The following PTGDR variants were observed in gnomAD, a reference collection of about 807,000 sequenced individuals.
PTGDR encodes prostaglandin D2 receptor.
PTGDR carries 19 observed loss-of-function variants against 17.4 expected under a neutral mutation model. The observed-to-expected ratio is 1.09, with a 90% CI of 0.76 to 1.60. PTGDR has a LOEUF of 1.60. Ranked by LOEUF, PTGDR falls within the 40% of genes most tolerant of loss-of-function variation. PTGDR has a pLI of 0.00. For synonymous variants in PTGDR, 267 were observed against 224.2 expected, an observed-to-expected ratio of 1.19 and a Z score of -1.71; for missense variants, 526 against 481.9, an observed-to-expected ratio of 1.09 and a Z score of -0.86.
chr14:52,277,120 G>A (rs1397644711), downstream of PTGDR, among the ~76,000 whole-genome samples: 1 of 152,156 alleles, frequency 6.6e-6, no homozygotes, highest in Non-Finnish European at 1.5e-5. Context: ...GCTGAGGAAA[G>A]GAATAAAAAT....
At chr14:52,272,605 C>T (rs1184535480) in intron 1 of PTGDR, among the ~76,000 whole-genome samples, 1 of 152,192 alleles carries the variant, frequency 6.6e-6, no homozygotes, top group South Asian at 2.1e-4. Context: ...CCCTGCCAGG[C>T]AGCCCTCTCT....
At position 52,270,724 on chromosome 14, in the gene PTGDR, G is replaced by C. The variant is rs146151925; in HGVS notation, c.846+2064G>C. Among the ~76,000 whole-genome samples, 310 of 152,284 alleles carry C rather than the reference G, an allele frequency of 2.0e-3. 4 individuals are homozygous for C. The highest frequency in any genetic ancestry group is 0.016 in the Admixed American group (245 of 15,298). On this transcript the variant is annotated intron_variant, in intron 1 of 1. Transcript: ENST00000306051. ...AATCTTTAGGAGCTCCTATTGTAAA[G>C]TTGGGGCCTCACTTATCTATGCTGT... is the stretch of plus-strand genomic sequence containing the variant.
downstream of PTGDR, among the ~76,000 whole-genome samples, chr14:52,278,277 C>T (rs1244541055): frequency 6.6e-6 from 1 of 152,190 alleles, no homozygotes; most frequent in Non-Finnish European, 1.5e-5. Flanking sequence ...CCATGGAATA[C>T]TATGCAGCCA....
downstream of PTGDR, among the ~76,000 whole-genome samples, chr14:52,279,061 T>A (rs2140013410): frequency 6.6e-6 from 1 of 152,328 alleles, no homozygotes; most frequent in Non-Finnish European, 1.5e-5. Context: ...CACCTATTTT[T>A]TTCTCATTTC....
chr14:52,280,499 C>T (rs1225082725), downstream of PTGDR, among the ~76,000 whole-genome samples: 8 of 152,190 alleles, frequency 5.3e-5, no homozygotes, highest in Non-Finnish European at 8.8e-5. Context: ...TACATACCTC[C>T]TTCACATTTT....
intron 1 of PTGDR, 135 bp from the exon 2 acceptor site, chr14:52,274,596 C>G: frequency 1.4e-6 from 1 of 732,624 alleles, no homozygotes; most frequent in Non-Finnish European, 2.2e-6. Flanking sequence ...GTGGCCTTAG[C>G]TACTTGTAAA....
chr14:52,273,725 C>T (rs377096968), intron 1 of PTGDR, among the ~76,000 whole-genome samples: 46 of 152,308 alleles, frequency 3.0e-4, no homozygotes, highest in African/African-American at 9.4e-4. Context: ...CTGATTGCCT[C>T]GAATGGGTCC....
At chr14:52,278,551 G>C (rs971390392), downstream of PTGDR, among the ~76,000 whole-genome samples, 6 of 151,956 alleles carry the variant, frequency 3.9e-5, no homozygotes, top group Non-Finnish European at 2.9e-5. Flanking sequence ...CACCAACATG[G>C]CACAGGTATA....
At chr14:52,272,391 C>G (rs745927539) in intron 1 of PTGDR, among the ~76,000 whole-genome samples, 2 of 151,776 alleles carry the variant, frequency 1.3e-5, no homozygotes, top group Non-Finnish European at 2.9e-5. Flanking sequence ...TGCTTGGGCC[C>G]AGAAGGTCAA....
At chr14:52,278,548 A>G (rs2033456136), downstream of PTGDR, among the ~76,000 whole-genome samples, 1 of 152,158 alleles carries the variant, frequency 6.6e-6, no homozygotes. Flanking sequence ...GCACACCAAC[A>G]TGGCACAGGT....
At chr14:52,271,523 G>A (rs190156578) in intron 1 of PTGDR, among the ~76,000 whole-genome samples, 13 of 152,262 alleles carry the variant, frequency 8.5e-5, no homozygotes, top group African/African-American at 3.1e-4. Flanking sequence ...TATGTACAAG[G>A]AAAATGTGGG....
chr14:52,280,905 C>T (rs1180143420), downstream of PTGDR, among the ~76,000 whole-genome samples: 1 of 152,008 alleles, frequency 6.6e-6, no homozygotes, highest in African/African-American at 2.4e-5. Context: ...AAATAAACCT[C>T]AAAAAATGAT....
At chr14:52,270,433 C>T (rs1237368683) in intron 1 of PTGDR, among the ~76,000 whole-genome samples, 1 of 152,090 alleles carries the variant, frequency 6.6e-6, no homozygotes, top group East Asian at 1.9e-4. Context: ...GTCCCAGCTT[C>T]TCAGGAGGCT....
intron 1 of PTGDR, among the ~76,000 whole-genome samples, chr14:52,272,634 C>T (rs1247421256): frequency 6.6e-6 from 1 of 152,202 alleles, no homozygotes; most frequent in Non-Finnish European, 1.5e-5. Context: ...ATGCCCTCTT[C>T]TATCCAGTCC....
Position 52,274,651 on chromosome 14 carries a change from A to G in PTGDR, c.847-80A>G, listed in dbSNP as rs76482024. The stretch of plus-strand genomic sequence containing the variant: ...CCAAGCTAAGCTGTCATGTTCTTAC[A>G]GTAACTTAGGTGAAGTAAGTGAATC... On this transcript the variant is annotated intron_variant, in intron 1 of 1. Coordinates refer to ENST00000306051, the MANE Select transcript of PTGDR (RefSeq NM_000953.3). 6.4e-4 allele frequency: 784 copies of G among 1,223,580 alleles called. 6 individuals carry two copies. The East Asian group carries it at 0.012, about 19-fold the overall frequency. The allele number at this position is 1,223,580 out of a possible 1,614,324, so 75.8% of individuals were successfully genotyped here. A position where few individuals can be genotyped will look rare whatever the true frequency, so the allele number is the denominator to read the frequency against.
In PTGDR at chr14:52,267,990, C is replaced by T. The variant is rs200729975; in HGVS notation, c.176C>T (p.Ser59Leu). 1.8e-5 allele frequency: 29 copies of T among 1,609,598 alleles called. No homozygotes were observed. Among genetic ancestry groups the T allele is most frequent in the Non-Finnish European group, 2.4e-5 (28 of 1,179,940 alleles). ...CGGCGTCCACTGCGCCCGCTGCCCT[C>T]GGTCTTCTACATGCTGGTGTGTGGC... ...CSRRPLRPLP[S>L]VFYMLVCGLT... Residue 59 changes from serine to leucine, a missense_variant, in exon 1 of 2, where the codon TCG (serine) becomes TTG (leucine). Coordinates refer to ENST00000306051, the MANE Select transcript of PTGDR (RefSeq NM_000953.3).
Position 52,274,818 on chromosome 14 carries a change from C to G in PTGDR, c.934C>G (p.Leu312Val). 1.9e-6 allele frequency: 3 copies of G among 1,613,076 alleles called. No individual in the cohort carries two copies. Among genetic ancestry groups the G allele is most frequent in the Non-Finnish European group, 1.7e-6 (2 of 1,179,022 alleles). ...AGAAGACCTCCGAGCCTTGCGATTTCTATCTGTGATTTCAATTGTGGACCC... is the reference window on the plus strand; with the variant it reads ...AGAAGACCTCCGAGCCTTGCGATTTGTATCTGTGATTTCAATTGTGGACCC... The part of the protein sequence containing the change: ...EAEDLRALRF[L>V]SVISIVDPWI... The change falls in exon 2 of 2, where the codon CTA becomes GTA. Residue 312 changes from leucine to valine, a missense_variant. By Grantham distance (32) the Leu-to-Val change is conservative. Coordinates refer to ENST00000306051, the MANE Select transcript of PTGDR (RefSeq NM_000953.3).
Position 52,273,745 on chromosome 14 carries a change from T to G in PTGDR, c.847-986T>G, listed in dbSNP as rs547802309. On this transcript the variant is annotated intron_variant, in intron 1 of 1. Transcript: ENST00000306051. ...TGCCTCGAATGGGTCCAGTCTCTTATCCATATCCCTTCTTACTAATGTTGA... is the reference window on the plus strand; with the variant it reads ...TGCCTCGAATGGGTCCAGTCTCTTAGCCATATCCCTTCTTACTAATGTTGA... 2.0e-5 allele frequency among the ~76,000 whole-genome samples: 3 copies of G among 152,354 alleles called. No homozygotes were observed. In the South Asian group the frequency reaches 6.2e-4, roughly 32 times the overall value.
rs142051942 is a variant in PTGDR, at chr14:52,270,949, T to G, written c.846+2289T>G. On this transcript the variant is annotated intron_variant, in intron 1 of 1. Coordinates refer to ENST00000306051, the MANE Select transcript of PTGDR (RefSeq NM_000953.3). ...GTTGAAAAAGATTTTCCAAAAAAAC[T>G]AGCAAGTTCCAAATATATTTAATGT... 2.0e-5 allele frequency among the ~76,000 whole-genome samples: 3 copies of G among 152,306 alleles called. No individual in the cohort carries two copies. In the East Asian group the frequency reaches 5.8e-4, roughly 29 times the overall value.
Sources: gnomAD v4.1 joint callset for allele counts (sites outside exome capture counted in the v4.1 genomes callset) on GRCh38, gnomAD v4.1.1 for gene constraint, MANE v1.5 for transcripts, NCBI Gene and HGNC (gene_info 2026-07-23, HGNC 2026-07-21) for gene names.